Variants in SOX5 observed in about 807,000 individuals in gnomAD.
The protein encoded by SOX5 is transcription factor SOX-5.
SOX5 carries 9 observed loss-of-function variants against 92.0 expected under a neutral mutation model. The ratio of observed to expected loss-of-function variants is 0.10; its 90% CI spans 0.06 to 0.17. The LOEUF (loss-of-function observed/expected upper bound fraction) is 0.17. Among genes scored for constraint, SOX5 ranks in the 10% least tolerant of loss-of-function variants. The pLI, the probability that SOX5 is intolerant of heterozygous loss-of-function variation, is 1.00. For missense variants in SOX5, 642 were observed against 944.5 expected (o/e 0.68, Z 4.20); for synonymous variants, 344 against 336.3 (o/e 1.02, Z -0.25).
intron 2 of SOX5, among the ~76,000 whole-genome samples, chr12:24,281,421 C>T (rs889484211): frequency 6.6e-6 from 1 of 152,202 alleles, no homozygotes; most frequent in Non-Finnish European, 1.5e-5. Flanking sequence ...AATGGCTGAT[C>T]TCTTCACAAT....
In SOX5 at chr12:23,667,216, G is replaced by C. The variant is rs188464629; in HGVS notation, c.811-1652C>G. ...ACACCAAATTACAAAGCATTATATA[G>C]GGAAAGTTTTATTGGCTATATTGTT... On this transcript the variant is annotated intron_variant, in intron 6 of 14. Transcript: ENST00000451604. 2.1e-3 allele frequency among the ~76,000 whole-genome samples: 322 copies of C among 152,188 alleles called. 1 individual carries two copies. The highest frequency in any genetic ancestry group is 7.2e-3 in the African/African-American group (300 of 41,528).
intron 1 of SOX5, chr12:23,920,231 A>G (rs1395822249): frequency 6.6e-6 from 1 of 152,234 alleles, no homozygotes; most frequent in Non-Finnish European, 1.5e-5. Context: ...ACAAAAAGCG[A>G]TAGAAAAGAA....
chr12:24,335,989 C>A (rs377715846), intron 2 of SOX5, among the ~76,000 whole-genome samples: 68 of 17,984 alleles, frequency 3.8e-3, no homozygotes, highest in Non-Finnish European at 6.0e-3. Context: ...ATATATATAT[C>A]CATAATATTA....
chr12:23,537,096 A>C (rs1940695284), intron 13 of SOX5, among the ~76,000 whole-genome samples: 1 of 152,174 alleles, frequency 6.6e-6, no homozygotes, highest in East Asian at 1.9e-4. Context: ...AAAAGTTCCC[A>C]ACATATATCA....
At chr12:24,139,644 T>C (rs1950395467) in intron 4 of SOX5, among the ~76,000 whole-genome samples, 1 of 152,232 alleles carries the variant, frequency 6.6e-6, no homozygotes, top group Non-Finnish European at 1.5e-5. Flanking sequence ...TTTTGAACAA[T>C]TTTATTTTTA....
intron 11 of SOX5, among the ~76,000 whole-genome samples, chr12:23,551,018 T>G (rs1944100112): frequency 1.3e-5 from 2 of 151,896 alleles, no homozygotes; most frequent in South Asian, 4.1e-4. Flanking sequence ...CAGACACACA[T>G]ACACAAAGAG....
At chr12:23,542,481 T>C (rs139291257) in intron 13 of SOX5, among the ~76,000 whole-genome samples, 1 of 152,300 alleles carries the variant, frequency 6.6e-6, no homozygotes, top group Non-Finnish European at 1.5e-5. Context: ...TGGTCTATAA[T>C]AGGTATCTTT....
chr12:24,043,304 G>C (rs1358068061), intron 4 of SOX5, among the ~76,000 whole-genome samples: 1 of 152,116 alleles, frequency 6.6e-6, no homozygotes, highest in African/African-American at 2.4e-5. Context: ...GTATTTATTT[G>C]GTACCTTGCA....
chr12:24,110,728 A>T (rs1947224208), intron 4 of SOX5, among the ~76,000 whole-genome samples: 1 of 151,706 alleles, frequency 6.6e-6, no homozygotes, highest in Non-Finnish European at 1.5e-5. Context: ...TACTAAAAAT[A>T]AAAATAAAAT....
chr12:23,857,836 G>A (rs561501377), intron 2 of SOX5, among the ~76,000 whole-genome samples: 56 of 151,684 alleles, frequency 3.7e-4, no homozygotes, highest in East Asian at 9.7e-4. Context: ...AGGTTCAAGC[G>A]ATTCTCCTGC....
chr12:24,366,938 A>AG (rs1358886337), intron 2 of SOX5, among the ~76,000 whole-genome samples: 2 of 152,250 alleles, frequency 1.3e-5, no homozygotes, highest in Non-Finnish European at 1.5e-5. Context: ...GAAGGAGAAA[A>AG]GAAAAAAAAA....
At chr12:24,551,697 G>A (rs967063387) in intron 1 of SOX5, among the ~76,000 whole-genome samples, 3 of 152,202 alleles carry the variant, frequency 2.0e-5, no homozygotes, top group Non-Finnish European at 4.4e-5. Flanking sequence ...CCTTGGGTTA[G>A]TGTTTTTCAT....
At chr12:23,875,740 A>G (rs769727249) in intron 2 of SOX5, among the ~76,000 whole-genome samples, 15 of 152,208 alleles carry the variant, frequency 9.9e-5, no homozygotes, top group Non-Finnish European at 1.8e-4. Flanking sequence ...CTATTACTCT[A>G]TTAACTACTT....
Position 24,552,560 on chromosome 12 carries a change from G to C in SOX5, c.-251+9769C>G, listed in dbSNP as rs192043664. ...GAAACACTGTTCTGTAATTTCCTTT[G>C]ATGTCAGTTTTTACGTATTCAGAAT... On this transcript the variant is annotated intron_variant, in intron 1 of 4. Transcript: ENST00000446891. Among the ~76,000 whole-genome samples, 338 of 152,330 alleles carry C rather than the reference G, an allele frequency of 2.2e-3. No homozygotes were observed. The Middle Eastern group carries it at 0.044, about 20-fold the overall frequency.
chr12:24,197,764 T>A (rs1255568753), intron 4 of SOX5, among the ~76,000 whole-genome samples: 1 of 152,134 alleles, frequency 6.6e-6, no homozygotes, highest in African/African-American at 2.4e-5. Context: ...GAGTTAGAAG[T>A]CTGGGTCCCT....
chr12:23,635,074 T>C (rs1196226175), intron 8 of SOX5, among the ~76,000 whole-genome samples: 1 of 152,100 alleles, frequency 6.6e-6, no homozygotes, highest in African/African-American at 2.4e-5. Context: ...CTACCAGCAA[T>C]GTGAGAAGGG....
intron 1 of SOX5, among the ~76,000 whole-genome samples, chr12:24,493,650 G>T (rs372949837): frequency 2.6e-5 from 4 of 152,166 alleles, no homozygotes; most frequent in South Asian, 4.1e-4. Context: ...GGATCACAAG[G>T]TCAGGAGATC....
chr12:23,892,747 C>T (rs2137571650), intron 2 of SOX5, among the ~76,000 whole-genome samples: 1 of 152,328 alleles, frequency 6.6e-6, no homozygotes, highest in East Asian at 1.9e-4. Flanking sequence ...GTCACTAAAA[C>T]AATCATTTGT....
intron 4 of SOX5, among the ~76,000 whole-genome samples, chr12:24,088,991 C>T (rs555519468): frequency 1.5e-4 from 23 of 152,066 alleles, no homozygotes; most frequent in East Asian, 7.8e-4. Flanking sequence ...ATGCCTGAGA[C>T]GCCTACAATA....
Sources: gnomAD v4.1 joint callset for allele counts (sites outside exome capture counted in the v4.1 genomes callset) on GRCh38, gnomAD v4.1.1 for gene constraint, MANE v1.5 for transcripts, NCBI Gene and HGNC (gene_info 2026-07-23, HGNC 2026-07-21) for gene names.